Variants in PRR5L observed in about 807,000 individuals in gnomAD.
PRR5L encodes the protein proline-rich protein 5-like.
Under a neutral mutation model 36.4 loss-of-function variants are expected in PRR5L, and 21 were observed. The ratio of observed to expected loss-of-function variants is 0.58; its 90% CI spans 0.41 to 0.83. The LOEUF (loss-of-function observed/expected upper bound fraction) is 0.83. Among genes scored for constraint, PRR5L ranks in the 40% least tolerant of loss-of-function variants. The pLI, the probability that PRR5L is intolerant of heterozygous loss-of-function variation, is 0.00. For synonymous variants in PRR5L, 188 were observed against 197.0 expected (o/e 0.95, Z 0.38); for missense variants, 381 against 473.3 (o/e 0.80, Z 1.81).
intron 1 of PRR5L, among the ~76,000 whole-genome samples, chr11:36,305,692 A>G (rs926863241): frequency 2.6e-5 from 4 of 152,092 alleles, no homozygotes; most frequent in African/African-American, 9.7e-5. Context: ...GAGACCCTTC[A>G]CCCCTTCCAT....
rs1304180767 is a variant in PRR5L at position 36,373,382 on chromosome 11, T to C, written c.-125-27615T>C. ...AATTTGGCTGGTGACAAGCATCATA[T>C]ATTGGCATTAATGGTCCTTAAGGAG... is the stretch of plus-strand genomic sequence containing the variant. On this transcript the variant is annotated intron_variant, in intron 1 of 8. Coordinates refer to ENST00000530639, the MANE Select transcript of PRR5L (RefSeq NM_001160167.2). 2.0e-5 allele frequency among the ~76,000 whole-genome samples: 3 copies of C among 152,146 alleles called. No homozygotes were observed. The East Asian group carries it at 5.8e-4, about 29-fold the overall frequency.
chr11:36,383,497 T>G (rs1235889209), intron 1 of PRR5L, among the ~76,000 whole-genome samples: 2 of 152,178 alleles, frequency 1.3e-5, no homozygotes, highest in African/African-American at 4.8e-5. Flanking sequence ...TCTCCAGTAT[T>G]TAAAAGTTGG....
At chr11:36,405,045 T>C (rs1857880592) in intron 3 of PRR5L, among the ~76,000 whole-genome samples, 1 of 152,204 alleles carries the variant, frequency 6.6e-6, no homozygotes, top group Admixed American at 6.5e-5. Flanking sequence ...CTAATTGTTT[T>C]TCACTTTGGG....
At chr11:36,308,061 G>C (rs894341351) in intron 1 of PRR5L, among the ~76,000 whole-genome samples, 11 of 152,220 alleles carry the variant, frequency 7.2e-5, no homozygotes, top group Non-Finnish European at 4.4e-5. Flanking sequence ...CCTGGGGTTT[G>C]TGCTGGAGGT....
Position 36,401,187 on chromosome 11 carries a change from T to G in PRR5L, c.66T>G (p.Pro22=), listed in dbSNP as rs1200352198. The G allele has an allele frequency of 1.2e-6, 2 of 1,614,008 alleles. No homozygotes were observed. The highest frequency in any genetic ancestry group is 2.2e-5 in the South Asian group (2 of 91,084). The change falls in exon 2 of 9, where the codon CCT becomes CCG. Residue 22 remains proline (P), a synonymous_variant. Coordinates refer to ENST00000530639, the MANE Select transcript of PRR5L (RefSeq NM_001160167.2). The part of the protein sequence containing the change: ...EFHKMGSFRR[P]RPRFMSSPVL... ...ACAAGATGGGCTCCTTCCGCAGGCC[T>G]AGACCGCGCTTCATGAGCTCCCCCG...
chr11:36,448,477 T>A (rs1257010124), intron 7 of PRR5L, among the ~76,000 whole-genome samples: 1 of 152,188 alleles, frequency 6.6e-6, no homozygotes, highest in Non-Finnish European at 1.5e-5. Flanking sequence ...TTCCTCCTGC[T>A]CAGAACACTT....
chr11:36,429,582 C>T (rs1564946540), intron 4 of PRR5L, among the ~76,000 whole-genome samples: 1 of 151,884 alleles, frequency 6.6e-6, no homozygotes, highest in African/African-American at 2.4e-5. Flanking sequence ...ATCTCTATTA[C>T]CTCTATAGGT....
chr11:36,331,985 A>C (rs1447951033), intron 1 of PRR5L, among the ~76,000 whole-genome samples: 2 of 152,138 alleles, frequency 1.3e-5, no homozygotes, highest in East Asian at 3.8e-4. Flanking sequence ...TCCGGGTCTT[A>C]GTTTCTTTAC....
At chr11:36,440,997 T>C (rs1232772400) in intron 6 of PRR5L, among the ~76,000 whole-genome samples, 1 of 152,242 alleles carries the variant, frequency 6.6e-6, no homozygotes, top group Admixed American at 6.5e-5. Context: ...ATGAGGGATC[T>C]GTCCCTATGA....
chr11:36,453,862 C>T (rs990264491), intron 8 of PRR5L: 6 of 152,252 alleles, frequency 3.9e-5, no homozygotes, highest in African/African-American at 1.4e-4. Context: ...GCTGAGTAAA[C>T]AGAGAGGGAT....
At chr11:36,432,165 T>G (rs1174359521) in intron 5 of PRR5L, among the ~76,000 whole-genome samples, 2 of 146,012 alleles carry the variant, frequency 1.4e-5, no homozygotes, top group African/African-American at 5.4e-5. Context: ...TTTTTTTTGT[T>G]TTGTTTTTGT....
At chr11:36,397,008 C>T (rs1256893570) in intron 1 of PRR5L, among the ~76,000 whole-genome samples, 1 of 151,936 alleles carries the variant, frequency 6.6e-6, no homozygotes, top group Non-Finnish European at 1.5e-5. Flanking sequence ...ATCTGCCACA[C>T]ACTAGCTGTG....
At chr11:36,439,101 A>G (rs1858667513) in intron 6 of PRR5L, among the ~76,000 whole-genome samples, 1 of 152,182 alleles carries the variant, frequency 6.6e-6, no homozygotes, top group African/African-American at 2.4e-5. Flanking sequence ...AAAGACCTGC[A>G]TTTGTAGGTG....
chr11:36,455,750 G>A lies in PRR5L; in HGVS notation c.712+4415G>A, dbSNP rs375853344. ...GTGTCGGTCGCTGTCTGCCAGCCCC[G>A]GGCCTGGCGTTCAGTTTTAAGGCCT... is the stretch of plus-strand genomic sequence containing the variant. On this transcript the variant is annotated intron_variant, in intron 8 of 8. Coordinates refer to ENST00000530639, the MANE Select transcript of PRR5L (RefSeq NM_001160167.2). Among the ~76,000 whole-genome samples the A allele has an allele frequency of 3.3e-4, 50 of 152,104 alleles. No individual in the cohort carries two copies. The East Asian group carries it at 9.1e-3, about 28-fold the overall frequency.
At position 36,319,261 on chromosome 11, in the gene PRR5L, C is replaced by A. The variant is rs537740667; in HGVS notation, c.-126+22823C>A. ...TTATTTGCTGGTGGACAGGATGAAGCTGAGAAGATGTGGTTTGGAGTTGAT... is the reference window on the plus strand; with the variant it reads ...TTATTTGCTGGTGGACAGGATGAAGATGAGAAGATGTGGTTTGGAGTTGAT... On this transcript the variant is annotated intron_variant, in intron 1 of 8. Transcript: ENST00000530639. 5.9e-5 allele frequency among the ~76,000 whole-genome samples: 9 copies of A among 152,298 alleles called. No individual in the cohort carries two copies. In the South Asian group the frequency reaches 1.9e-3, roughly 32 times the overall value.
In PRR5L at chr11:36,417,798, TG is replaced by T. The variant is rs368153642; in HGVS notation, c.246-1452del. Among the ~76,000 whole-genome samples, 115 of 152,302 alleles carry T rather than the reference TG, an allele frequency of 7.6e-4. 3 individuals are homozygous for T. In the South Asian group the frequency reaches 0.022, roughly 29 times the overall value. ...TTCAGTGACATGAGTGAACGTGTTT[TG>T]GGGGAGTGAATACTCAGCAAGCGTC... On this transcript the variant is annotated intron_variant, in intron 3 of 8. Coordinates refer to ENST00000530639, the MANE Select transcript of PRR5L (RefSeq NM_001160167.2).
At chr11:36,460,671 G>A (rs1859161416) in intron 8 of PRR5L, among the ~76,000 whole-genome samples, 1 of 152,152 alleles carries the variant, frequency 6.6e-6, no homozygotes, top group African/African-American at 2.4e-5. Flanking sequence ...CTCGCTGCTG[G>A]CCTCGCTGGC....
chr11:36,400,386 G>GCTCT (rs1857765494), intron 1 of PRR5L, among the ~76,000 whole-genome samples: 2 of 152,332 alleles, frequency 1.3e-5, no homozygotes, highest in South Asian at 4.1e-4. Flanking sequence ...TACCCTGAGA[G>GCTCT]CAGGGATTTG....
intron 1 of PRR5L, among the ~76,000 whole-genome samples, chr11:36,324,488 G>A (rs7931590): frequency 0.18 from 28,016 of 151,994 alleles, 2,843 homozygotes; most frequent in African/African-American, 0.26. Flanking sequence ...TACATATGTA[G>A]AAAAACCACT....
Sources: gnomAD v4.1 joint callset for allele counts (sites outside exome capture counted in the v4.1 genomes callset) on GRCh38, gnomAD v4.1.1 for gene constraint, MANE v1.5 for transcripts, NCBI Gene and HGNC (gene_info 2026-07-23, HGNC 2026-07-21) for gene names.